THRA: variants seen among roughly 807,000 people sequenced by gnomAD.
THRA encodes the protein EAR-7.
THRA carries 13 observed loss-of-function variants against 45.0 expected under a neutral mutation model. That is an observed-to-expected ratio of 0.29 (90% CI 0.19 to 0.46). The LOEUF (loss-of-function observed/expected upper bound fraction) is 0.46, where lower values mean the gene tolerates loss of function less well. Among genes scored for constraint, THRA ranks in the 20% least tolerant of loss-of-function variants. The probability of loss-of-function intolerance (pLI) is 1.00; values close to 1 mark genes in which losing one functional copy is unlikely to be tolerated. For missense variants in THRA, 278 were observed against 556.1 expected, an observed-to-expected ratio of 0.50 and a Z score of 5.03; for synonymous variants, 195 against 214.0, an observed-to-expected ratio of 0.91 and a Z score of 0.78.
intron 1 of THRA, among the ~76,000 whole-genome samples, chr17:40,073,635 G>T (rs1444849437): frequency 1.3e-5 from 2 of 152,174 alleles, no homozygotes; most frequent in African/African-American, 4.8e-5. Context: ...AGGGGCCAGA[G>T]TTGGGGATCA....
intron 3 of THRA, 86 bp downstream of exon 3, chr17:40,077,024 G>C (rs1986979891): frequency 1.5e-6 from 2 of 1,364,998 alleles, no homozygotes; most frequent in East Asian, 2.4e-5. Context: ...ATGTGGAACA[G>C]TAATTCATGT....
chr17:40,075,315 G>A (rs1359968894), intron 2 of THRA, among the ~76,000 whole-genome samples: 1 of 151,656 alleles, frequency 6.6e-6, no homozygotes, highest in East Asian at 1.9e-4. Context: ...GGGGGTGGGG[G>A]TGCTCCGGGG....
At chr17:40,073,349 C>T (rs1986844592) in intron 1 of THRA, among the ~76,000 whole-genome samples, 1 of 152,194 alleles carries the variant, frequency 6.6e-6, no homozygotes, top group Non-Finnish European at 1.5e-5. Flanking sequence ...AGCATTAGGG[C>T]CAGGCTGTGA....
At chr17:40,081,504 T>C (rs1009554816) in intron 4 of THRA, among the ~76,000 whole-genome samples, 12 of 152,032 alleles carry the variant, frequency 7.9e-5, no homozygotes, top group African/African-American at 2.7e-4. Context: ...TGGCCTCAAG[T>C]GATCTGCCTG....
chr17:40,080,026 G>A (rs1380491465), intron 4 of THRA, among the ~76,000 whole-genome samples: 1 of 151,888 alleles, frequency 6.6e-6, no homozygotes, highest in African/African-American at 2.4e-5. Context: ...TGGAGATTAA[G>A]TCAGTGTACT....
At chr17:40,081,620 T>TA (rs1987138960) in intron 4 of THRA, among the ~76,000 whole-genome samples, 1 of 152,168 alleles carries the variant, frequency 6.6e-6, no homozygotes, top group Admixed American at 6.5e-5. Context: ...GAAAAAATAC[T>TA]AATTCTTCAT....
chr17:40,077,619 T>C lies in THRA; in HGVS notation c.222+11T>C. The C allele has an allele frequency of 6.2e-7, 1 of 1,610,768 alleles. No individual in the cohort carries two copies. The highest frequency in any genetic ancestry group is 1.1e-5 in the South Asian group (1 of 90,980). On this transcript the variant is annotated intron_variant, in intron 4 of 8. Transcript: ENST00000450525. Reference sequence around the variant, plus strand: ...TGTGAGGGCTGCAAGGTATGGAAGCTACCTCCTGCCCCTCCCCTGCCACCT... The same window carrying C: ...TGTGAGGGCTGCAAGGTATGGAAGCCACCTCCTGCCCCTCCCCTGCCACCT...
At position 40,065,907 on chromosome 17, in the gene THRA, C is replaced by G. The variant is rs550263788; in HGVS notation, c.-298+2815C>G. Among the ~76,000 whole-genome samples, 13 of 152,354 alleles carry G rather than the reference C, an allele frequency of 8.5e-5. No individual in the cohort carries two copies. In the South Asian group the frequency reaches 2.5e-3, roughly 29 times the overall value. ...TAAACAAGCCATGAAGAGGCTCCCC[C>G]CACACTGGCCCAAGCTGGAAAAGAA... On this transcript the variant is annotated intron_variant, in intron 1 of 8. Transcript: ENST00000450525.
chr17:40,073,935 T>C (rs1380650362), intron 1 of THRA, among the ~76,000 whole-genome samples: 3 of 152,112 alleles, frequency 2.0e-5, no homozygotes, highest in African/African-American at 7.2e-5. Flanking sequence ...GACTGAGACA[T>C]ATTACTTAGT....
At chr17:40,063,205 G>T (rs1371405554) in intron 1 of THRA, 113 bp downstream of exon 1, 3 of 152,310 alleles carry the variant, frequency 2.0e-5, no homozygotes, top group Non-Finnish European at 4.4e-5. Flanking sequence ...CCCAGGGGGT[G>T]CCTGCTGCCA....
rs1321939821 is a variant in THRA, at chr17:40,092,297, C to T, written c.*2841C>T. The T allele has an allele frequency of 6.7e-6, 1 of 148,156 alleles. No individual in the cohort carries two copies. The highest frequency in any genetic ancestry group is 2.5e-5 in the African/African-American group (1 of 40,358). The allele number at this position is 148,156 out of a possible 1,614,324, so 9.2% of individuals were successfully genotyped here. A position where few individuals can be genotyped will look rare whatever the true frequency, so the allele number is the denominator to read the frequency against. ...ACCGTCCATAAGGAGGACAGTAACT[C>T]CTGCCCTGGGAACTCCTGGGCGGGG... is the stretch of plus-strand genomic sequence containing the variant. On this transcript the variant is annotated 3_prime_UTR_variant, in exon 9 of 9. Coordinates refer to ENST00000450525, the MANE Select transcript of THRA (RefSeq NM_199334.5).
chr17:40,071,196 G>A (rs1047189238), intron 1 of THRA, among the ~76,000 whole-genome samples: 5 of 152,150 alleles, frequency 3.3e-5, no homozygotes, highest in Non-Finnish European at 7.3e-5. Flanking sequence ...AGAGCACTAA[G>A]GACAAAGTTC....
Position 40,083,980 on chromosome 17 carries a change from A to G in THRA, c.368A>G (p.Asp123Gly). 1 of 1,611,268 alleles carries G rather than the reference A, an allele frequency of 6.2e-7. No homozygotes were observed. Among genetic ancestry groups the G allele is most frequent in the Middle Eastern group, 1.7e-4 (1 of 6,044 alleles). ...TGCATCGCCGTGGGCATGGCCATGG[A>G]CTGTAAGGGGCCCAGGTGGAGGGAA... The part of the protein sequence containing the change: ...KKCIAVGMAM[D>G]LVLDDSKRVA... Residue 123 changes from aspartate to glycine, a missense_variant and splice_region_variant, in exon 5 of 9, where the codon GAC becomes GGC. Physicochemically the swap from Asp to Gly is moderately conservative, Grantham distance 94. This residue lies in a region of THRA where 111 missense variants were observed against 167.1 expected (regional missense o/e 0.66). Transcript: ENST00000450525.
In THRA at chr17:40,089,126, C is replaced by T; in HGVS notation, c.983-80C>T. On this transcript the variant is annotated intron_variant, in intron 8 of 8. Coordinates refer to ENST00000450525, the MANE Select transcript of THRA (RefSeq NM_199334.5). The surrounding 1 kb of genome is among the most constrained non-coding windows in gnomAD (Gnocchi z 6.1). ...TCTATCTCCCCTCTAGTCCTTTCTT[C>T]CCACGTCCCCACACCTCACCCTCCC... The T allele has an allele frequency of 2.1e-6, 3 of 1,419,566 alleles. No individual in the cohort carries two copies. The highest frequency in any genetic ancestry group is 2.9e-6 in the Non-Finnish European group (3 of 1,026,788). The allele number at this position is 1,419,566 out of a possible 1,614,324, so 87.9% of individuals were successfully genotyped here. A position where few individuals can be genotyped will look rare whatever the true frequency, so the allele number is the denominator to read the frequency against.
At chr17:40,082,472 C>A (rs113855596) in intron 4 of THRA, among the ~76,000 whole-genome samples, 1 of 151,464 alleles carries the variant, frequency 6.6e-6, no homozygotes, top group African/African-American at 2.4e-5. Context: ...TGGGTTCAAG[C>A]GATTCTCCTG....
intron 7 of THRA, 70 bp downstream of exon 7, chr17:40,086,923 A>G: frequency 6.3e-7 from 1 of 1,594,988 alleles, no homozygotes; most frequent in Non-Finnish European, 8.6e-7. Context: ...GTCACCCAGT[A>G]CAGGCTCATC....
chr17:40,067,386 C>T (rs1211701070), intron 1 of THRA, among the ~76,000 whole-genome samples: 1 of 152,208 alleles, frequency 6.6e-6, no homozygotes, highest in African/African-American at 2.4e-5. Context: ...AAAGAGGAGG[C>T]AGTGCCCTTC....
chr17:40,083,691 C>G, intron 4 of THRA, 144 bp from the exon 5 acceptor site: 2 of 1,089,460 alleles, frequency 1.8e-6, no homozygotes, highest in Non-Finnish European at 2.6e-6. Flanking sequence ...TAATCTTGGG[C>G]TCATGGTGTC....
downstream of THRA, chr17:40,093,364 C>T: frequency 6.2e-7 from 1 of 1,611,582 alleles, no homozygotes; most frequent in Non-Finnish European, 8.5e-7. The surrounding 1 kb of genome is among the most constrained non-coding windows in gnomAD (Gnocchi z 5.9). Context: ...ACCTGGCAGG[C>T]AATGCAGCCT....
Sources: allele counts gnomAD v4.1 joint callset (sites outside exome capture counted in the v4.1 genomes callset), GRCh38; gene constraint gnomAD v4.1.1; regional missense constraint gnomAD v4.1.1; non-coding constraint Gnocchi (gnomAD v3.1); transcripts MANE v1.5; gene names NCBI Gene and HGNC (gene_info 2026-07-23, HGNC 2026-07-21).